GTF2H3: variants seen among roughly 807,000 people sequenced by gnomAD.
GTF2H3 encodes TFIIH basal transcription factor complex p34 subunit.
A neutral mutation model predicts 51.1 loss-of-function variants in GTF2H3; 42 were observed. That is an observed-to-expected ratio of 0.82 (90% CI 0.64 to 1.06). The LOEUF (loss-of-function observed/expected upper bound fraction) is 1.06. Among genes scored for constraint, GTF2H3 ranks in the 50% least tolerant of loss-of-function variants. The probability of loss-of-function intolerance (pLI) is 0.00; values close to 1 mark genes in which losing one functional copy is unlikely to be tolerated. For synonymous variants in GTF2H3, 123 were observed against 123.8 expected (o/e 0.99, Z 0.04); for missense variants, 326 against 366.1 (o/e 0.89, Z 0.89).
Position 123,651,047 on chromosome 12 carries a change from G to C in GTF2H3, c.418G>C (p.Ala140Pro), listed in dbSNP as rs1191432224. The change falls in exon 5 of 13, where the codon GCC becomes CCC. Residue 140 changes from alanine to proline, a missense_variant. Ala to Pro is a conservative substitution (Grantham distance 27, BLOSUM62 -1). Coordinates refer to ENST00000543341, the MANE Select transcript of GTF2H3 (RefSeq NM_001516.5). ...ETLLAGSLAK[A>P]LCYIHRMNKE... The stretch of plus-strand genomic sequence containing the variant: ...TTTGCTGGCAGGATCCCTGGCCAAA[G>C]CCCTTTGCTGTATCCTTGGTGTCTG... 1 of 1,610,716 alleles carries C rather than the reference G, an allele frequency of 6.2e-7. No individual in the cohort carries two copies. Among genetic ancestry groups the C allele is most frequent in the South Asian group, 1.1e-5 (1 of 91,016 alleles).
intron 3 of GTF2H3, 44 bp downstream of exon 3, chr12:123,645,605 C>A (rs1214375542): frequency 4.0e-6 from 4 of 991,338 alleles, no homozygotes; most frequent in Non-Finnish European, 6.5e-6. Context: ...GCTTAATATT[C>A]ATGAGTTTTC....
At position 123,654,943 on chromosome 12, in the gene GTF2H3, A is replaced by G. The variant is rs1955568128; in HGVS notation, c.506A>G (p.Asp169Gly). The G allele has an allele frequency of 1.2e-6, 2 of 1,613,214 alleles. No homozygotes were observed. The highest frequency in any genetic ancestry group is 2.7e-5 in the African/African-American group (2 of 75,022). ...SRILVIKAAE[D>G]SALQYMNFMN... ...TTTTAGGTGATTAAGGCTGCAGAAG[A>G]CAGTGCGTTGCAGTATATGAACTTC... Residue 169 changes from aspartate to glycine, a missense_variant, in exon 8 of 13, where the codon GAC becomes GGC. Asp to Gly is a moderately conservative substitution (Grantham distance 94, BLOSUM62 -1). Coordinates refer to ENST00000543341, the MANE Select transcript of GTF2H3 (RefSeq NM_001516.5).
chr12:123,651,680 C>T (rs1046518996), intron 5 of GTF2H3, among the ~76,000 whole-genome samples: 2 of 151,902 alleles, frequency 1.3e-5, no homozygotes, highest in East Asian at 1.9e-4. Flanking sequence ...ATTAGCTGGG[C>T]GTGGTGGCGG....
intron 2 of GTF2H3, chr12:123,640,142 G>T: frequency 3.0e-6 from 1 of 336,740 alleles, no homozygotes; most frequent in South Asian, 2.2e-5. Flanking sequence ...TTATGGGAGT[G>T]AGCCACCGCA....
intron 2 of GTF2H3, among the ~76,000 whole-genome samples, chr12:123,644,627 C>A (rs190461858): frequency 2.6e-5 from 4 of 151,582 alleles, no homozygotes; most frequent in Admixed American, 2.6e-4. Flanking sequence ...GATCAGGCCA[C>A]TGCACTCCAG....
chr12:123,652,783 AAACAT>A, intron 7 of GTF2H3, 48 bp downstream of exon 7: 1 of 1,432,548 alleles, frequency 7.0e-7, no homozygotes, highest in Non-Finnish European at 9.4e-7. Flanking sequence ...TATAATTAGA[AAACAT>A]AACGGGAGAC....
chr12:123,649,692 A>G (rs938998305), intron 4 of GTF2H3: 4 of 152,180 alleles, frequency 2.6e-5, no homozygotes, highest in African/African-American at 9.7e-5. Context: ...GGAAAAGACA[A>G]TTCTGTGGAG....
intron 2 of GTF2H3, among the ~76,000 whole-genome samples, chr12:123,640,257 A>T (rs1249610726): frequency 6.6e-6 from 1 of 151,688 alleles, no homozygotes; most frequent in African/African-American, 2.4e-5. Flanking sequence ...TCTTTGTGTC[A>T]CTGTAGATTA....
At chr12:123,633,998 A>G in intron 1 of GTF2H3, 126 bp downstream of exon 1, 2 of 951,452 alleles carry the variant, frequency 2.1e-6, no homozygotes, top group South Asian at 1.3e-5. Context: ...GGAGTAGCCA[A>G]GGCATTCAGT....
intron 1 of GTF2H3, among the ~76,000 whole-genome samples, chr12:123,635,876 G>T (rs949497742): frequency 9.9e-5 from 15 of 152,216 alleles, no homozygotes; most frequent in African/African-American, 3.6e-4. Context: ...GCTGTGGGTT[G>T]TCAGAGGTGG....
Position 123,634,159 on chromosome 12 carries a change from G to C in GTF2H3, c.13+287G>C, listed in dbSNP as rs556096592. Reference sequence around the variant, plus strand: ...AATAAATAAAAATAATTTCGGCCGGGTCGCACCCCGGTGGATTAGGCCTGT... The same window carrying C: ...AATAAATAAAAATAATTTCGGCCGGCTCGCACCCCGGTGGATTAGGCCTGT... On this transcript the variant is annotated intron_variant, in intron 1 of 12. Coordinates refer to ENST00000543341, the MANE Select transcript of GTF2H3 (RefSeq NM_001516.5). Among the ~76,000 whole-genome samples, 17 of 152,308 alleles carry C rather than the reference G, an allele frequency of 1.1e-4. No homozygotes were observed. The South Asian group carries it at 3.1e-3, about 28-fold the overall frequency.
chr12:123,655,055 A>G (rs996996052), intron 8 of GTF2H3, 57 bp downstream of exon 8: 2 of 1,282,618 alleles, frequency 1.6e-6, no homozygotes, highest in Non-Finnish European at 2.3e-6. Context: ...AGTCAATTTC[A>G]TTTTTTGAAT....
chr12:123,636,267 G>A (rs1223602323), intron 1 of GTF2H3, among the ~76,000 whole-genome samples: 1 of 152,186 alleles, frequency 6.6e-6, no homozygotes, highest in Middle Eastern at 3.2e-3. Flanking sequence ...GCAGATTCCG[G>A]TGCTTAGTGC....
At chr12:123,650,726 A>G (rs1380589609) in intron 4 of GTF2H3, among the ~76,000 whole-genome samples, 2 of 152,198 alleles carry the variant, frequency 1.3e-5, no homozygotes, top group Non-Finnish European at 2.9e-5. Context: ...CCCATTAGAC[A>G]CTAACTCCCT....
chr12:123,655,074 C>CT, intron 8 of GTF2H3, 76 bp downstream of exon 8: 1 of 1,045,482 alleles, frequency 9.6e-7, no homozygotes, highest in East Asian at 2.4e-5. Flanking sequence ...ATGCTCTACT[C>CT]TGAGGTATTC....
intron 1 of GTF2H3, among the ~76,000 whole-genome samples, chr12:123,638,986 G>A (rs1354420035): frequency 1.3e-5 from 2 of 151,362 alleles, no homozygotes; most frequent in African/African-American, 4.9e-5. Flanking sequence ...TAGTAGAGAC[G>A]GGGTTTCACC....
chr12:123,660,384 A>T lies in GTF2H3; in HGVS notation c.*149A>T. 1 of 576,242 alleles carries T rather than the reference A, an allele frequency of 1.7e-6. No homozygotes were observed. The allele number at this position is 576,242 out of a possible 1,614,324, so 35.7% of individuals were successfully genotyped here. Reference sequence around the variant, plus strand: ...AAAATATTTCCCAAACATCCTTTTCATCCTGTGCTTCTGGAGGACTGATTT... The same window carrying T: ...AAAATATTTCCCAAACATCCTTTTCTTCCTGTGCTTCTGGAGGACTGATTT... On this transcript the variant is annotated 3_prime_UTR_variant, in exon 13 of 13. Coordinates refer to ENST00000543341, the MANE Select transcript of GTF2H3 (RefSeq NM_001516.5).
chr12:123,651,762 G>A (rs1244555921), intron 5 of GTF2H3, among the ~76,000 whole-genome samples: 1 of 151,640 alleles, frequency 6.6e-6, no homozygotes, highest in East Asian at 2.0e-4. Context: ...AGAGCTTGCA[G>A]TGAGCTGAAA....
In GTF2H3 at chr12:123,660,892, G is replaced by A. The variant is rs1481115439; in HGVS notation, c.*657G>A. 1 of 152,200 alleles carries A rather than the reference G, an allele frequency of 6.6e-6. No individual in the cohort carries two copies. Among genetic ancestry groups the A allele is most frequent in the African/African-American group, 2.4e-5 (1 of 41,448 alleles). The allele number at this position is 152,200 out of a possible 1,614,324, so 9.4% of individuals were successfully genotyped here. ...TTTCTTCAAAATAGTTGTGGGAAGA[G>A]CTTATATGTGAAAGCTTATGACTGG... is the stretch of plus-strand genomic sequence containing the variant. On this transcript the variant is annotated 3_prime_UTR_variant, in exon 13 of 13. Coordinates refer to ENST00000543341, the MANE Select transcript of GTF2H3 (RefSeq NM_001516.5).
Sources: gnomAD v4.1 joint callset for allele counts (sites outside exome capture counted in the v4.1 genomes callset) on GRCh38, gnomAD v4.1.1 for gene constraint, MANE v1.5 for transcripts, NCBI Gene and HGNC (gene_info 2026-07-23, HGNC 2026-07-21) for gene names.